Variants in AGMO observed in about 807,000 individuals in gnomAD.
The protein encoded by AGMO is glyceryl-ether monooxygenase.
In AGMO, 75 loss-of-function variants were observed where a neutral mutation model predicts 60.2. That is an observed-to-expected ratio of 1.25 (90% CI 1.03 to 1.51). The LOEUF is 1.51. Ranked by LOEUF, AGMO falls within the 40% of genes most tolerant of loss-of-function variation. The probability of loss-of-function intolerance (pLI) is 0.00; values close to 1 mark genes in which losing one functional copy is unlikely to be tolerated. For missense variants in AGMO, 763 were observed against 525.5 expected, an observed-to-expected ratio of 1.45 and a Z score of -4.42; for synonymous variants, 261 against 177.1, an observed-to-expected ratio of 1.47 and a Z score of -3.76.
At chr7:15,381,142 C>A (rs1408671837) in intron 10 of AGMO, among the ~76,000 whole-genome samples, 1 of 151,924 alleles carries the variant, frequency 6.6e-6, no homozygotes, top group Non-Finnish European at 1.5e-5. Context: ...GATGAAGACG[C>A]CAAAAACAAT....
chr7:15,555,318 C>T (rs868071052), intron 2 of AGMO, among the ~76,000 whole-genome samples: 1 of 148,576 alleles, frequency 6.7e-6, no homozygotes, highest in Non-Finnish European at 1.5e-5. Context: ...CACACACACA[C>T]ACACACACAC....
At chr7:15,270,502 C>G (rs1174758241) in intron 12 of AGMO, among the ~76,000 whole-genome samples, 2 of 149,700 alleles carry the variant, frequency 1.3e-5, no homozygotes, top group Admixed American at 6.7e-5. Context: ...TGTTTGAGTT[C>G]CTCACATATT....
chr7:15,548,802 G>A (rs946276172), intron 2 of AGMO, among the ~76,000 whole-genome samples: 3 of 152,072 alleles, frequency 2.0e-5, no homozygotes, highest in African/African-American at 7.2e-5. Flanking sequence ...TTCAGTTTCA[G>A]GAAATACAGA....
At chr7:15,420,610 C>T (rs1780898165) in intron 4 of AGMO, among the ~76,000 whole-genome samples, 1 of 152,068 alleles carries the variant, frequency 6.6e-6, no homozygotes, top group Non-Finnish European at 1.5e-5. Flanking sequence ...AAATGTGGTC[C>T]AGGTAGGAGA....
chr7:15,217,452 T>A (rs192998763), intron 12 of AGMO, among the ~76,000 whole-genome samples: 6 of 152,022 alleles, frequency 3.9e-5, no homozygotes, highest in Non-Finnish European at 7.4e-5. Flanking sequence ...AAATGGAGAA[T>A]TTACACCACA....
At position 15,394,194 on chromosome 7, in the gene AGMO, A is replaced by T. The variant is rs1376208147; in HGVS notation, c.610-15T>A. 6.5e-7 allele frequency: 1 copy of T among 1,545,036 alleles called. No individual in the cohort carries two copies. Among genetic ancestry groups the T allele is most frequent in the Non-Finnish European group, 8.9e-7 (1 of 1,118,332 alleles). ...TTATTGATGACCTGTTTAAAACAGA[A>T]GGAATATTTATACATGTAGTTATCA... On this transcript the variant is annotated splice_polypyrimidine_tract_variant and intron_variant, in intron 5 of 12. Coordinates refer to ENST00000342526, the MANE Select transcript of AGMO (RefSeq NM_001004320.2).
intron 12 of AGMO, chr7:15,306,576 A>AC (rs1380590361): frequency 4.6e-6 from 2 of 437,352 alleles, no homozygotes; most frequent in Non-Finnish European, 9.2e-6. Context: ...CTGTGTAAAA[A>AC]AAAAAAAGCA....
At chr7:15,517,009 A>G in intron 3 of AGMO, among the ~76,000 whole-genome samples, 1 of 152,090 alleles carries the variant, frequency 6.6e-6, no homozygotes, top group Non-Finnish European at 1.5e-5. Context: ...ATACAATTTG[A>G]ATGCAGGAAG....
At chr7:15,144,214 T>C in the AGMO span, among the ~76,000 whole-genome samples, 1 of 152,144 alleles carries the variant, frequency 6.6e-6, no homozygotes, top group Non-Finnish European at 1.5e-5. Context: ...CTAACATTGG[T>C]GTTATTAGGC....
chr7:15,180,312 C>T, the AGMO span, among the ~76,000 whole-genome samples: 1 of 152,072 alleles, frequency 6.6e-6, no homozygotes, highest in Admixed American at 6.6e-5. Context: ...AAAAGTCACC[C>T]TATAGAAGCC....
chr7:15,505,556 T>C (rs1437446938), intron 3 of AGMO, among the ~76,000 whole-genome samples: 1 of 152,016 alleles, frequency 6.6e-6, no homozygotes, highest in African/African-American at 2.4e-5. Context: ...TTTCCTATTA[T>C]TAAAATAAAC....
chr7:15,267,339 G>C (rs1388956777), intron 12 of AGMO, among the ~76,000 whole-genome samples: 1 of 151,828 alleles, frequency 6.6e-6, no homozygotes, highest in Non-Finnish European at 1.5e-5. Context: ...GCTAGTATCA[G>C]TATTAAGTGA....
intron 12 of AGMO, among the ~76,000 whole-genome samples, chr7:15,235,145 T>TC (rs1782377709): frequency 6.6e-6 from 1 of 152,048 alleles, no homozygotes; most frequent in Non-Finnish European, 1.5e-5. Context: ...TCTGAGACTC[T>TC]CCCCCGGGTC....
intron 3 of AGMO, among the ~76,000 whole-genome samples, chr7:15,438,951 T>A (rs1781475195): frequency 6.6e-6 from 1 of 152,230 alleles, no homozygotes; most frequent in African/African-American, 2.4e-5. Flanking sequence ...TTCACTCAGT[T>A]TCTTACAGAC....
intron 3 of AGMO, among the ~76,000 whole-genome samples, chr7:15,510,731 CA>C (rs1174178973): frequency 6.7e-6 from 1 of 150,148 alleles, no homozygotes; most frequent in Non-Finnish European, 1.5e-5. Context: ...CTAAATACAT[CA>C]AAAACTGTTA....
At chr7:15,449,527 A>G (rs1286170029) in intron 3 of AGMO, among the ~76,000 whole-genome samples, 2 of 152,192 alleles carry the variant, frequency 1.3e-5, no homozygotes, top group Admixed American at 6.5e-5. Context: ...TTGTCTTACA[A>G]TTGCCTACAT....
At chr7:15,159,637 T>C in the AGMO span, among the ~76,000 whole-genome samples, 1 of 152,270 alleles carries the variant, frequency 6.6e-6, no homozygotes, top group South Asian at 2.1e-4. Context: ...ATCTGAGGCA[T>C]GTGGCTGTCC....
At chr7:15,335,985 T>G (rs1470682138) in intron 12 of AGMO, among the ~76,000 whole-genome samples, 1 of 152,134 alleles carries the variant, frequency 6.6e-6, no homozygotes, top group Middle Eastern at 3.2e-3. Context: ...CACATCATAG[T>G]AAGTGGAAGA....
rs960180004 is a variant in AGMO at position 15,325,082 on chromosome 7, G to T, written c.1263+40432C>A. ...AAACCCCTCAGGAAGCCCTGTAATTGTTTCTTATTGGTAAGTAACATTTGA... is the reference window on the plus strand; with the variant it reads ...AAACCCCTCAGGAAGCCCTGTAATTTTTTCTTATTGGTAAGTAACATTTGA... On this transcript the variant is annotated intron_variant, in intron 12 of 12. Transcript: ENST00000342526. Among the ~76,000 whole-genome samples the T allele has an allele frequency of 7.4e-4, 112 of 152,100 alleles. 1 individual carries two copies. Among genetic ancestry groups the T allele is most frequent in the Non-Finnish European group, 1.5e-3 (99 of 67,982 alleles).
Sources: allele counts gnomAD v4.1 joint callset (sites outside exome capture counted in the v4.1 genomes callset), GRCh38; gene constraint gnomAD v4.1.1; transcripts MANE v1.5; gene names NCBI Gene and HGNC (gene_info 2026-07-23, HGNC 2026-07-21).